Variants in BRD4 observed in about 807,000 individuals in gnomAD.
BRD4 encodes bromodomain-containing protein 4.
In BRD4, 16 loss-of-function variants were observed where a neutral mutation model predicts 142.1. That is an observed-to-expected ratio of 0.11 (90% CI 0.08 to 0.17). The LOEUF (loss-of-function observed/expected upper bound fraction) is 0.17. BRD4 is among the 10% of genes least tolerant of loss of function. The probability of loss-of-function intolerance (pLI) is 1.00; values close to 1 mark genes in which losing one functional copy is unlikely to be tolerated. For synonymous variants in BRD4, 833 were observed against 707.5 expected (o/e 1.18, Z -2.82); for missense variants, 1,424 against 1,810.9 (o/e 0.79, Z 3.88).
At chr19:15,306,409 C>G (rs1472679737) in intron 1 of BRD4, among the ~76,000 whole-genome samples, 1 of 152,172 alleles carries the variant, frequency 6.6e-6, no homozygotes, top group Non-Finnish European at 1.5e-5. Context: ...GCTGGGACCA[C>G]AGGCGTGTGC....
At chr19:15,308,992 G>A (rs929172013) in intron 1 of BRD4, among the ~76,000 whole-genome samples, 2 of 151,274 alleles carry the variant, frequency 1.3e-5, no homozygotes, top group Admixed American at 1.3e-4. Context: ...TCCAGCCTGG[G>A]AGACAGAGCA....
chr19:15,303,991 T>G (rs1475207926), intron 1 of BRD4, among the ~76,000 whole-genome samples: 1 of 152,170 alleles, frequency 6.6e-6, no homozygotes. Context: ...CTCTCACATT[T>G]GACCACCAAG....
At chr19:15,276,525 T>C (rs567323822) in intron 1 of BRD4, among the ~76,000 whole-genome samples, 54 of 152,124 alleles carry the variant, frequency 3.5e-4, no homozygotes, top group African/African-American at 1.3e-3. Flanking sequence ...CTCTGGCCCA[T>C]AGCATCTGGT....
chr19:15,310,909 G>C (rs2047964706), intron 1 of BRD4, among the ~76,000 whole-genome samples: 1 of 152,186 alleles, frequency 6.6e-6, no homozygotes, highest in South Asian at 2.1e-4. Flanking sequence ...CCCAAAATCA[G>C]TTTCCGTGTG....
intron 2 of BRD4, among the ~76,000 whole-genome samples, chr19:15,271,486 T>TAGGCCTTCTGC (rs1174675761): frequency 6.6e-6 from 1 of 152,192 alleles, no homozygotes; most frequent in African/African-American, 2.4e-5. Context: ...CTCTCTTCTG[T>TAGGCCTTCTGC]AGGCCTTCTG....
At chr19:15,284,309 C>G (rs757671202) in intron 1 of BRD4, among the ~76,000 whole-genome samples, 2 of 152,124 alleles carry the variant, frequency 1.3e-5, no homozygotes, top group Non-Finnish European at 2.9e-5. Context: ...GAAAAGGGAA[C>G]GCAGAATGTG....
At chr19:15,257,732 C>T (rs1023789322) in intron 7 of BRD4, among the ~76,000 whole-genome samples, 1 of 152,172 alleles carries the variant, frequency 6.6e-6, no homozygotes. Context: ...CCTCAGATAG[C>T]CCCTGCAGCA....
intron 11 of BRD4, chr19:15,248,641 A>C (rs1247820117): frequency 4.4e-6 from 1 of 227,490 alleles, no homozygotes; most frequent in Non-Finnish European, 8.7e-6. Context: ...GAAAGACTCC[A>C]AAAGGCTCAG....
At chr19:15,317,009 C>A (rs768584202) in intron 1 of BRD4, among the ~76,000 whole-genome samples, 9 of 152,208 alleles carry the variant, frequency 5.9e-5, no homozygotes, top group Non-Finnish European at 7.3e-5. Context: ...CTACCCTGTG[C>A]TCACTACGTA....
chr19:15,260,798 CAAA>C (rs34986127), intron 7 of BRD4, among the ~76,000 whole-genome samples: 2 of 77,816 alleles, frequency 2.6e-5, no homozygotes, highest in Non-Finnish European at 2.7e-5. Context: ...GAGAAAAATG[CAAA>C]AAAAAAAAAA....
intron 1 of BRD4, among the ~76,000 whole-genome samples, chr19:15,295,012 G>A (rs571171863): frequency 6.6e-6 from 1 of 152,188 alleles, no homozygotes; most frequent in African/African-American, 2.4e-5. Context: ...CTACTACTTT[G>A]TGCTGTTTAC....
intron 1 of BRD4, among the ~76,000 whole-genome samples, chr19:15,299,501 A>G (rs1424376307): frequency 6.6e-6 from 1 of 152,208 alleles, no homozygotes; most frequent in Non-Finnish European, 1.5e-5. Context: ...TGAATGAAGA[A>G]GACAGGTAAG....
At chr19:15,259,686 C>T (rs577031794) in intron 7 of BRD4, among the ~76,000 whole-genome samples, 6 of 152,284 alleles carry the variant, frequency 3.9e-5, no homozygotes, top group Admixed American at 1.3e-4. Flanking sequence ...GGGCCCAGGG[C>T]TGCTGTAGGA....
At chr19:15,249,499 G>A (rs118161309) in intron 11 of BRD4, among the ~76,000 whole-genome samples, 1 of 152,346 alleles carries the variant, frequency 6.6e-6, no homozygotes, top group Non-Finnish European at 1.5e-5. Flanking sequence ...AAAGGTCACA[G>A]AGGCAGAATG....
intron 1 of BRD4, among the ~76,000 whole-genome samples, chr19:15,321,980 T>C (rs1054747114): frequency 2.0e-5 from 3 of 152,168 alleles, no homozygotes; most frequent in East Asian, 1.9e-4. Context: ...ACAGTCATCA[T>C]TGGGCAAATG....
intron 11 of BRD4, chr19:15,253,526 A>G: frequency 6.5e-7 from 1 of 1,528,584 alleles, no homozygotes; most frequent in Non-Finnish European, 8.8e-7. Flanking sequence ...AGGGACACGC[A>G]AGTCCAGGTG....
chr19:15,322,183 T>C (rs1299460279), intron 1 of BRD4, among the ~76,000 whole-genome samples: 8 of 152,120 alleles, frequency 5.3e-5, no homozygotes, highest in African/African-American at 9.7e-5. Context: ...TCCTTGAAAA[T>C]TGTGACACCC....
At chr19:15,322,251 T>C (rs958446101) in intron 1 of BRD4, among the ~76,000 whole-genome samples, 2 of 152,196 alleles carry the variant, frequency 1.3e-5, no homozygotes, top group African/African-American at 2.4e-5. Flanking sequence ...ATTTGTTTCA[T>C]GACCCATGGT....
chr19:15,317,772 C>T (rs1017224685), intron 1 of BRD4, among the ~76,000 whole-genome samples: 2 of 152,148 alleles, frequency 1.3e-5, no homozygotes, highest in South Asian at 2.1e-4. Flanking sequence ...CAGCATGCTA[C>T]GCAACTCAAA....
Sources: allele counts gnomAD v4.1 joint callset (sites outside exome capture counted in the v4.1 genomes callset), GRCh38; gene constraint gnomAD v4.1.1; transcripts MANE v1.5; gene names NCBI Gene and HGNC (gene_info 2026-07-23, HGNC 2026-07-21).